TMCO5A: variants seen among roughly 807,000 people sequenced by gnomAD.
The protein encoded by TMCO5A is transmembrane and coiled-coil domains 5A, also known as transmembrane and coiled-coil domain-containing protein 5A.
Under a neutral mutation model 42.3 loss-of-function variants are expected in TMCO5A, and 34 were observed. The ratio of observed to expected loss-of-function variants is 0.80; its 90% confidence interval spans 0.61 to 1.07. The LOEUF (loss-of-function observed/expected upper bound fraction) is 1.07, where lower values mean the gene tolerates loss of function less well. Among genes scored for constraint, TMCO5A ranks in the 50% least tolerant of loss-of-function variants. The pLI, the probability that TMCO5A is intolerant of heterozygous loss-of-function variation, is 0.00. For missense variants in TMCO5A, 357 were observed against 327.9 expected, an observed-to-expected ratio of 1.09 and a Z score of -0.69; for synonymous variants, 131 against 115.6, an observed-to-expected ratio of 1.13 and a Z score of -0.86.
chr15:37,961,211 T>C (rs1197412313), intron 11 of TMCO5A, among the ~76,000 whole-genome samples: 1 of 152,174 alleles, frequency 6.6e-6, no homozygotes, highest in Non-Finnish European at 1.5e-5. Context: ...TCGAGTTGAT[T>C]TTTGTATAAG....
At chr15:37,947,419 C>G (rs1430747289) in intron 10 of TMCO5A, among the ~76,000 whole-genome samples, 1 of 151,940 alleles carries the variant, frequency 6.6e-6, no homozygotes, top group Non-Finnish European at 1.5e-5. Context: ...TGGGCAACAT[C>G]CTTTGTCTTT....
intron 11 of TMCO5A, among the ~76,000 whole-genome samples, chr15:37,962,185 T>C (rs1202938881): frequency 6.6e-6 from 1 of 152,164 alleles, no homozygotes; most frequent in African/African-American, 2.4e-5. Flanking sequence ...TTGTCATAGA[T>C]GGCTTTTATT....
At chr15:38,029,244 G>T in the TMCO5A span, among the ~76,000 whole-genome samples, 2 of 152,016 alleles carry the variant, frequency 1.3e-5, no homozygotes, top group Non-Finnish European at 2.9e-5. Context: ...TGCCGGTTGG[G>T]TGTCATTTAG....
At chr15:37,990,021 A>C in the TMCO5A span, among the ~76,000 whole-genome samples, 2 of 152,090 alleles carry the variant, frequency 1.3e-5, no homozygotes, top group East Asian at 3.9e-4. Flanking sequence ...TTTTAAATCT[A>C]TTGAGACTTA....
the TMCO5A span, among the ~76,000 whole-genome samples, chr15:38,031,747 G>C: frequency 4.4e-4 from 67 of 152,270 alleles, 1 homozygote; most frequent in African/African-American, 1.3e-3. Flanking sequence ...CAGAATAGCT[G>C]ACTCCAGAAA....
chr15:37,982,531 T>C, the TMCO5A span, among the ~76,000 whole-genome samples: 1 of 144,140 alleles, frequency 6.9e-6, no homozygotes, highest in Non-Finnish European at 1.5e-5. Context: ...CTATATATAA[T>C]AGATATTATA....
At chr15:38,008,992 CAT>C in the TMCO5A span, among the ~76,000 whole-genome samples, 1 of 152,124 alleles carries the variant, frequency 6.6e-6, no homozygotes, top group Non-Finnish European at 1.5e-5. Flanking sequence ...CAAGAAGAAA[CAT>C]ATGGAAAAAG....
the TMCO5A span, among the ~76,000 whole-genome samples, chr15:37,995,236 A>T: frequency 1.3e-5 from 2 of 152,126 alleles, no homozygotes; most frequent in African/African-American, 2.4e-5. Context: ...AGAGGTAAAA[A>T]AAAAATCTTT....
chr15:37,987,466 T>C, the TMCO5A span, among the ~76,000 whole-genome samples: 1 of 151,878 alleles, frequency 6.6e-6, no homozygotes, highest in South Asian at 2.1e-4. Context: ...TTGCCAAATC[T>C]AGTGTTATAA....
At chr15:37,958,908 G>A (rs958449805) in intron 11 of TMCO5A, among the ~76,000 whole-genome samples, 5 of 152,046 alleles carry the variant, frequency 3.3e-5, no homozygotes, top group African/African-American at 1.2e-4. Flanking sequence ...AGAAAATGTG[G>A]CACATATACA....
chr15:37,988,634 T>G, the TMCO5A span, among the ~76,000 whole-genome samples: 1 of 152,094 alleles, frequency 6.6e-6, no homozygotes, highest in African/African-American at 2.4e-5. Flanking sequence ...ATTCTGTTAA[T>G]GTGGTGTATT....
the TMCO5A span, among the ~76,000 whole-genome samples, chr15:37,986,361 G>C: frequency 7.3e-5 from 11 of 150,644 alleles, no homozygotes; most frequent in Admixed American, 2.0e-4. Flanking sequence ...CGAAAAAAGA[G>C]CCAAGGGGGG....
the TMCO5A span, among the ~76,000 whole-genome samples, chr15:37,995,480 T>C: frequency 7.2e-5 from 11 of 152,374 alleles, no homozygotes; most frequent in African/African-American, 1.7e-4. Context: ...GTAGCTTGCA[T>C]TTCTTGGACA....
chr15:38,001,579 C>G, the TMCO5A span, among the ~76,000 whole-genome samples: 2 of 151,280 alleles, frequency 1.3e-5, no homozygotes, highest in Non-Finnish European at 3.0e-5. Flanking sequence ...TTGTGGTCTT[C>G]TCTTCCTTCT....
At chr15:37,943,674 T>A in intron 10 of TMCO5A, 1 of 397,638 alleles carries the variant, frequency 2.5e-6, no homozygotes, top group Non-Finnish European at 4.6e-6. Context: ...GAAGCAACCT[T>A]AATTGAGGGT....
chr15:38,006,843 ATTATT>A, the TMCO5A span, among the ~76,000 whole-genome samples: 1 of 151,166 alleles, frequency 6.6e-6, no homozygotes, highest in Non-Finnish European at 1.5e-5. Context: ...TAATATTTAT[ATTATT>A]TTAATATTTA....
At chr15:38,016,420 C>T in the TMCO5A span, among the ~76,000 whole-genome samples, 3 of 152,108 alleles carry the variant, frequency 2.0e-5, no homozygotes, top group Admixed American at 2.0e-4. Flanking sequence ...CATGAACTCC[C>T]AAGGTAACTT....
chr15:37,978,102 G>T, the TMCO5A span, among the ~76,000 whole-genome samples: 16 of 152,338 alleles, frequency 1.1e-4, no homozygotes, highest in African/African-American at 3.8e-4. Flanking sequence ...GAGAAACACA[G>T]CCACTGCCAA....
At chr15:37,958,540 A>G (rs1255298084) in intron 11 of TMCO5A, among the ~76,000 whole-genome samples, 1 of 152,184 alleles carries the variant, frequency 6.6e-6, no homozygotes, top group Non-Finnish European at 1.5e-5. Context: ...CCACAATGAG[A>G]TACCATCTCA....
Sources: gnomAD v4.1 joint callset for allele counts (sites outside exome capture counted in the v4.1 genomes callset) on GRCh38, gnomAD v4.1.1 for gene constraint, MANE v1.5 for transcripts, NCBI Gene and HGNC (gene_info 2026-07-23, HGNC 2026-07-21) for gene names.